Variants in SIK3 observed in about 807,000 individuals in gnomAD.
The protein encoded by SIK3 is serine/threonine-protein kinase SIK3.
SIK3 carries 28 observed loss-of-function variants against 144.2 expected under a neutral mutation model. The ratio of observed to expected loss-of-function variants is 0.19; its 90% CI spans 0.14 to 0.27. The LOEUF is 0.27. Among genes scored for constraint, SIK3 ranks in the 10% least tolerant of loss-of-function variants. The pLI, the probability that SIK3 is intolerant of heterozygous loss-of-function variation, is 1.00. For synonymous variants in SIK3, 686 were observed against 676.3 expected (o/e 1.01, Z -0.22); for missense variants, 1,319 against 1,776.0 (o/e 0.74, Z 4.62).
intron 6 of SIK3, among the ~76,000 whole-genome samples, chr11:116,892,847 G>A (rs753381277): frequency 6.6e-6 from 1 of 152,166 alleles, no homozygotes; most frequent in Non-Finnish European, 1.5e-5. Context: ...ATAAAGGGTG[G>A]TACATCCAGG....
At chr11:117,019,735 T>C (rs1266179660) in intron 1 of SIK3, among the ~76,000 whole-genome samples, 1 of 152,018 alleles carries the variant, frequency 6.6e-6, no homozygotes, top group African/African-American at 2.4e-5. Flanking sequence ...TGCCTCAGCC[T>C]CCTGAGTAGC....
intron 9 of SIK3, 49 bp downstream of exon 9, chr11:116,875,817 C>A (rs561342673): frequency 1.3e-6 from 2 of 1,549,830 alleles, no homozygotes; most frequent in African/African-American, 1.4e-5. Context: ...TAACCTTTAC[C>A]CCCCTGGTGT....
intron 1 of SIK3, among the ~76,000 whole-genome samples, chr11:117,008,464 C>CAAAAGCG (rs1565550865): frequency 6.6e-6 from 1 of 151,402 alleles, no homozygotes; most frequent in East Asian, 1.9e-4. Context: ...AACATAAAGG[C>CAAAAGCG]AAAAGAGAAA....
chr11:116,861,010 T>C (rs551753986), intron 19 of SIK3, among the ~76,000 whole-genome samples: 2 of 152,196 alleles, frequency 1.3e-5, no homozygotes, highest in African/African-American at 2.4e-5. Flanking sequence ...ACCTCTTTCC[T>C]TTATCAATTA....
intron 1 of SIK3, among the ~76,000 whole-genome samples, chr11:116,983,098 GCACCTGTAGTCC>G (rs1950206284): frequency 6.6e-6 from 1 of 151,412 alleles, no homozygotes; most frequent in African/African-American, 2.4e-5. Flanking sequence ...GTGGTGGCAG[GCACCTGTAGTCC>G]CAGCTACTCG....
intron 19 of SIK3, 107 bp downstream of exon 19, chr11:116,861,167 A>G: frequency 2.3e-6 from 2 of 882,966 alleles, no homozygotes; most frequent in South Asian, 1.5e-5. Context: ...ACCCCTGAAT[A>G]CTATGTTATT....
chr11:116,845,674 A>T (rs766479007), intron 24 of SIK3, 45 bp from the exon 25 acceptor site: 15 of 152,240 alleles, frequency 9.9e-5, no homozygotes, highest in Admixed American at 3.3e-4. Context: ...GAAAAGAGAA[A>T]GGCTCAAATA....
At chr11:117,023,609 C>CAAAA (rs71469123) in intron 1 of SIK3, among the ~76,000 whole-genome samples, 76 of 51,948 alleles carry the variant, frequency 1.5e-3, no homozygotes, top group African/African-American at 3.8e-3. Flanking sequence ...AACAAACAAA[C>CAAAA]AAAAAAAAAA....
chr11:116,957,972 G>A (rs1445475254), intron 1 of SIK3, among the ~76,000 whole-genome samples: 1 of 152,080 alleles, frequency 6.6e-6, no homozygotes, highest in Non-Finnish European at 1.5e-5. Flanking sequence ...AACGATGAAG[G>A]ACTTTTAAAA....
In SIK3 at chr11:116,858,675, A is replaced by G. The variant is rs773099069; in HGVS notation, c.2790T>C (p.Pro930=). 4.5e-6 allele frequency: 7 copies of G among 1,548,792 alleles called. No individual in the cohort carries two copies. The Admixed American group carries it at 1.2e-4, about 26-fold the overall frequency. ...GTAAATGCGCCTGGTCGTAGTTAGC[A>G]GGGGAGAACCGATTCACGTTCAAGC... is the stretch of plus-strand genomic sequence containing the variant. ...AHSLNVNRFS[P]ANYDQAHLHP... The change falls in exon 21 of 25, where the codon CCT becomes CCC. Residue 930 remains proline, a synonymous_variant. Coordinates refer to ENST00000445177, the MANE Select transcript of SIK3 (RefSeq NM_001366686.3). This position sits in a 1 kb window ranked among gnomAD's most constrained non-coding sequence, Gnocchi z 5.4.
intron 1 of SIK3, among the ~76,000 whole-genome samples, chr11:117,085,164 T>C (rs1237796082): frequency 6.6e-6 from 1 of 152,118 alleles, no homozygotes; most frequent in Admixed American, 6.6e-5. Context: ...CAGGCTGGAA[T>C]GCAGTGGCGC....
chr11:117,048,588 G>A (rs527328078), intron 1 of SIK3, among the ~76,000 whole-genome samples: 43 of 152,160 alleles, frequency 2.8e-4, no homozygotes, highest in Admixed American at 7.9e-4. Flanking sequence ...CCCTAGAGGC[G>A]GAGGTTGCAG....
intron 1 of SIK3, among the ~76,000 whole-genome samples, chr11:117,050,282 T>C (rs1042818833): frequency 6.6e-6 from 1 of 150,860 alleles, no homozygotes; most frequent in African/African-American, 2.4e-5. Flanking sequence ...AGATCAAGAC[T>C]CCATCACACA....
rs1236933473 is a variant in SIK3 at position 116,867,136 on chromosome 11, C to G, written c.1952+810G>C. Among the ~76,000 whole-genome samples the G allele has an allele frequency of 6.6e-6, 1 of 152,164 alleles. No individual in the cohort carries two copies. The highest frequency in any genetic ancestry group is 2.4e-5 in the African/African-American group (1 of 41,442). On this transcript the variant is annotated intron_variant, in intron 15 of 24. Coordinates refer to ENST00000445177, the MANE Select transcript of SIK3 (RefSeq NM_001366686.3). The surrounding 1 kb of genome is among the most constrained non-coding windows in gnomAD (Gnocchi z 4.1). ...CTTCCCAAGGCTGCTTTTCAGTGTC[C>G]TCCCCAAAAGACAGAAATAAAATAC...
intron 22 of SIK3, among the ~76,000 whole-genome samples, chr11:116,848,677 T>C (rs965982493): frequency 6.6e-6 from 1 of 152,230 alleles, no homozygotes; most frequent in Non-Finnish European, 1.5e-5. Flanking sequence ...GAGCATAGAT[T>C]CTACTTGAAT....
intron 1 of SIK3, among the ~76,000 whole-genome samples, chr11:117,067,697 C>T (rs1035615095): frequency 6.6e-6 from 1 of 152,002 alleles, no homozygotes; most frequent in Non-Finnish European, 1.5e-5. Context: ...TTAAAAATAT[C>T]AAAATGTGGC....
chr11:116,862,397 C>G lies in SIK3; in HGVS notation c.2104-70G>C, dbSNP rs556169482. ...CCTCATGCAGTGATTTCAGCAGATG[C>G]AGATCTGCCTCCAAGCTCTCATGGG... On this transcript the variant is annotated intron_variant, in intron 16 of 24. Transcript: ENST00000445177. 2.9e-4 allele frequency: 467 copies of G among 1,595,068 alleles called. 1 individual carries two copies. Among genetic ancestry groups the G allele is most frequent in the Admixed American group, 6.9e-4 (41 of 59,746 alleles).
At chr11:116,935,376 T>A (rs1006510833) in intron 3 of SIK3, among the ~76,000 whole-genome samples, 20 of 152,024 alleles carry the variant, frequency 1.3e-4, no homozygotes, top group Non-Finnish European at 2.5e-4. Context: ...CAAAAACACT[T>A]TTTTTACTCT....
intron 1 of SIK3, among the ~76,000 whole-genome samples, chr11:117,093,542 T>G (rs923707910): frequency 3.9e-5 from 6 of 152,194 alleles, no homozygotes; most frequent in African/African-American, 1.2e-4. Context: ...GAGAAAAGAC[T>G]GCACTCAACT....
Sources: gnomAD v4.1 joint callset for allele counts (sites outside exome capture counted in the v4.1 genomes callset) on GRCh38, gnomAD v4.1.1 for gene constraint, Gnocchi (gnomAD v3.1) non-coding constraint, MANE v1.5 for transcripts, NCBI Gene and HGNC (gene_info 2026-07-23, HGNC 2026-07-21) for gene names.